TRPS1: variants seen among roughly 807,000 people sequenced by gnomAD.
TRPS1 encodes zinc finger transcription factor Trps1.
TRPS1 carries 6 observed loss-of-function variants against 101.2 expected under a neutral mutation model. The ratio of observed to expected loss-of-function variants is 0.06; its 90% confidence interval spans 0.03 to 0.12. TRPS1 has a LOEUF of 0.12. Among genes scored for constraint, TRPS1 ranks in the 10% least tolerant of loss-of-function variants. The pLI, the probability that TRPS1 is intolerant of heterozygous loss-of-function variation, is 1.00. For synonymous variants in TRPS1, 578 were observed against 589.8 expected (o/e 0.98, Z 0.29); for missense variants, 1,363 against 1,567.0 (o/e 0.87, Z 2.20).
chr8:115,573,985 A>G (rs1271300065), intron 5 of TRPS1, among the ~76,000 whole-genome samples: 1 of 152,090 alleles, frequency 6.6e-6, no homozygotes, highest in South Asian at 2.1e-4. Context: ...TTCCTCTTTA[A>G]ACAATCATAA....
intron 2 of TRPS1, among the ~76,000 whole-genome samples, chr8:115,620,311 G>A (rs1041627120): frequency 1.3e-5 from 2 of 151,904 alleles, no homozygotes; most frequent in African/African-American, 4.8e-5. Flanking sequence ...GAATAATGAA[G>A]GATTTATTTT....
chr8:115,613,988 GA>G (rs377239829), intron 3 of TRPS1, among the ~76,000 whole-genome samples: 129 of 152,266 alleles, frequency 8.5e-4, no homozygotes, highest in African/African-American at 2.5e-3. Context: ...GCCTGATGAA[GA>G]ATTCAAGACA....
intron 5 of TRPS1, among the ~76,000 whole-genome samples, chr8:115,554,631 C>A (rs1029099497): frequency 6.6e-6 from 1 of 152,160 alleles, no homozygotes; most frequent in Non-Finnish European, 1.5e-5. Flanking sequence ...GTTTTCGATT[C>A]AAGATTTACA....
At chr8:115,645,816 T>A (rs2130597496) in intron 1 of TRPS1, among the ~76,000 whole-genome samples, 1 of 152,286 alleles carries the variant, frequency 6.6e-6, no homozygotes, top group South Asian at 2.1e-4. Context: ...TTTTCCAATT[T>A]AGACCTTGAA....
At chr8:115,513,139 A>G (rs951556696) in intron 5 of TRPS1, among the ~76,000 whole-genome samples, 1 of 151,810 alleles carries the variant, frequency 6.6e-6, no homozygotes, top group Non-Finnish European at 1.5e-5. Flanking sequence ...GGCACTCATA[A>G]TATTAAGTAT....
At chr8:115,442,185 G>A (rs910618542) in intron 5 of TRPS1, among the ~76,000 whole-genome samples, 3 of 152,050 alleles carry the variant, frequency 2.0e-5, no homozygotes, top group Admixed American at 6.6e-5. Context: ...AGATATTTAG[G>A]AGTCCTTGGA....
At chr8:115,610,887 C>G (rs371222891) in intron 3 of TRPS1, among the ~76,000 whole-genome samples, 1 of 152,060 alleles carries the variant, frequency 6.6e-6, no homozygotes, top group Admixed American at 6.5e-5. Context: ...GAGGCCAAGG[C>G]GGGCGGATCA....
intron 5 of TRPS1, among the ~76,000 whole-genome samples, chr8:115,546,182 T>C (rs916756155): frequency 6.6e-6 from 1 of 151,816 alleles, no homozygotes. Flanking sequence ...AATGAATATA[T>C]ATATTTATAT....
intron 2 of TRPS1, among the ~76,000 whole-genome samples, chr8:115,622,745 A>G (rs775857464): frequency 2.0e-5 from 3 of 152,208 alleles, no homozygotes; most frequent in African/African-American, 7.2e-5. Context: ...TAAAAATCCT[A>G]TATCAAAAGA....
chr8:115,514,461 T>C (rs73363532), intron 5 of TRPS1, among the ~76,000 whole-genome samples: 3,228 of 151,786 alleles, frequency 0.021, 119 homozygotes, highest in African/African-American at 0.068. Flanking sequence ...TAAAGGCATA[T>C]ATTCGTTTTA....
At chr8:115,623,485 A>C in intron 2 of TRPS1, 116 bp downstream of exon 2, 2 of 1,243,486 alleles carry the variant, frequency 1.6e-6, no homozygotes, top group Non-Finnish European at 2.3e-6. Flanking sequence ...ATACCATAAG[A>C]CTATAGCCAC....
intron 5 of TRPS1, among the ~76,000 whole-genome samples, chr8:115,537,895 T>G (rs137896927): frequency 6.6e-6 from 1 of 152,322 alleles, no homozygotes; most frequent in Non-Finnish European, 1.5e-5. Context: ...TATCCTCCAG[T>G]GTTCTACTAA....
chr8:115,537,213 ATGT>A (rs1816344670), intron 5 of TRPS1, among the ~76,000 whole-genome samples: 1 of 152,212 alleles, frequency 6.6e-6, no homozygotes, highest in Non-Finnish European at 1.5e-5. Flanking sequence ...TAAATCTTAG[ATGT>A]TGTGTTGTTT....
intron 6 of TRPS1, among the ~76,000 whole-genome samples, chr8:115,417,443 G>A (rs773607564): frequency 2.0e-5 from 3 of 152,064 alleles, no homozygotes; most frequent in African/African-American, 7.2e-5. Context: ...TGTGCTAAGA[G>A]CTATGGTAAA....
At chr8:115,576,748 C>A (rs1586420894) in intron 5 of TRPS1, among the ~76,000 whole-genome samples, 1 of 152,126 alleles carries the variant, frequency 6.6e-6, no homozygotes, top group Admixed American at 6.6e-5. Flanking sequence ...CCAGCTGGAA[C>A]CTCAAAGGTT....
At chr8:115,525,456 A>G (rs888167781) in intron 5 of TRPS1, among the ~76,000 whole-genome samples, 6 of 152,134 alleles carry the variant, frequency 3.9e-5, no homozygotes, top group African/African-American at 1.2e-4. Context: ...ATGCCAGTGT[A>G]TAAGATATTT....
chr8:115,506,345 C>G (rs1464167968), intron 5 of TRPS1, among the ~76,000 whole-genome samples: 3 of 151,778 alleles, frequency 2.0e-5, no homozygotes, highest in African/African-American at 7.3e-5. Flanking sequence ...AATTTATTGT[C>G]AAATATAATT....
chr8:115,449,757 T>G (rs561419404), intron 5 of TRPS1, among the ~76,000 whole-genome samples: 2 of 152,208 alleles, frequency 1.3e-5, no homozygotes, highest in Non-Finnish European at 2.9e-5. Context: ...CAAATGAGAT[T>G]GGTAAACACC....
chr8:115,485,548 C>G (rs974264546), intron 5 of TRPS1, among the ~76,000 whole-genome samples: 6 of 152,170 alleles, frequency 3.9e-5, no homozygotes, highest in African/African-American at 1.4e-4. Context: ...CAGTGTACCC[C>G]ATGCTTGCTG....
Sources: gnomAD v4.1 joint callset for allele counts (sites outside exome capture counted in the v4.1 genomes callset) on GRCh38, gnomAD v4.1.1 for gene constraint, MANE v1.5 for transcripts, NCBI Gene and HGNC (gene_info 2026-07-23, HGNC 2026-07-21) for gene names.